NTRK2: variants seen among roughly 807,000 people sequenced by gnomAD.
The protein encoded by NTRK2 is BDNF/NT-3 growth factors receptor.
NTRK2 carries 13 observed loss-of-function variants against 94.5 expected under a neutral mutation model. The ratio of observed to expected loss-of-function variants is 0.14; its 90% CI spans 0.09 to 0.22. The LOEUF (loss-of-function observed/expected upper bound fraction) is 0.22, where lower values mean the gene tolerates loss of function less well. Ranked by LOEUF, NTRK2 falls within the 10% of genes least tolerant of loss-of-function variation. The pLI is 1.00. For synonymous variants in NTRK2, 372 were observed against 407.4 expected, an observed-to-expected ratio of 0.91 and a Z score of 1.05; for missense variants, 639 against 1,071.2, an observed-to-expected ratio of 0.60 and a Z score of 5.63.
At chr9:85,010,398 T>C (rs1831430446) in intron 17 of NTRK2, among the ~76,000 whole-genome samples, 2 of 152,352 alleles carry the variant, frequency 1.3e-5, no homozygotes, top group South Asian at 4.1e-4. Context: ...TCTCAAATGC[T>C]AAATGTTAGA....
chr9:85,000,408 TC>T (rs1830210911), intron 17 of NTRK2, among the ~76,000 whole-genome samples: 1 of 152,086 alleles, frequency 6.6e-6, no homozygotes, highest in South Asian at 2.1e-4. Context: ...TCCTTCCCTA[TC>T]CCCTAGCCAC....
Position 84,670,734 on chromosome 9 carries a change from C to T in NTRK2, c.-15C>T. 6.2e-7 allele frequency: 1 copy of T among 1,611,044 alleles called. No individual in the cohort carries two copies. The highest frequency in any genetic ancestry group is 8.5e-7 in the Non-Finnish European group (1 of 1,179,756). On this transcript the variant is annotated 5_prime_UTR_variant, in exon 2 of 19. Transcript: ENST00000277120. ...GCGCGGGGACAGGCACTCGGGCTGG[C>T]ACTGGCTGCTAGGGATGTCGTCCTG...
intron 17 of NTRK2, among the ~76,000 whole-genome samples, chr9:85,018,874 A>C (rs1379652313): frequency 6.6e-6 from 1 of 152,212 alleles, no homozygotes; most frequent in East Asian, 1.9e-4. Context: ...ATGGAAGCCA[A>C]CTTAGCCTTT....
At chr9:84,803,618 G>C (rs915408441) in intron 12 of NTRK2, among the ~76,000 whole-genome samples, 2 of 152,192 alleles carry the variant, frequency 1.3e-5, no homozygotes, top group Non-Finnish European at 1.5e-5. Flanking sequence ...TCAGTCCTCT[G>C]AATGAGGACT....
In NTRK2 at chr9:84,675,593, G is replaced by A. The variant is rs1323223052; in HGVS notation, c.212+4633G>A. Reference sequence around the variant, plus strand: ...TTGCTTCTGATGCCTGTAATCAATAGGAGGATTTGGGGGAGAGACTATTGA... The same window carrying A: ...TTGCTTCTGATGCCTGTAATCAATAAGAGGATTTGGGGGAGAGACTATTGA... On this transcript the variant is annotated intron_variant, in intron 2 of 18. Transcript: ENST00000277120. Among the ~76,000 whole-genome samples the A allele has an allele frequency of 3.3e-5, 5 of 151,930 alleles. No individual in the cohort carries two copies. The South Asian group carries it at 1.0e-3, about 32-fold the overall frequency.
At chr9:84,996,276 C>T (rs903456904) in intron 17 of NTRK2, among the ~76,000 whole-genome samples, 5 of 152,318 alleles carry the variant, frequency 3.3e-5, no homozygotes, top group Middle Eastern at 3.4e-3. Flanking sequence ...GCATGAAAGA[C>T]GTTGCTATGA....
At chr9:84,934,621 C>T (rs902235455) in intron 15 of NTRK2, among the ~76,000 whole-genome samples, 3 of 152,194 alleles carry the variant, frequency 2.0e-5, no homozygotes, top group Non-Finnish European at 4.4e-5. Context: ...TGAAGACTCA[C>T]ATGTGTCTCC....
At chr9:85,001,198 T>C (rs1388146931) in intron 17 of NTRK2, among the ~76,000 whole-genome samples, 1 of 151,816 alleles carries the variant, frequency 6.6e-6, no homozygotes, top group Non-Finnish European at 1.5e-5. Flanking sequence ...GGTTAGGGCC[T>C]GGAGGAGGGA....
At chr9:84,816,778 C>CAAAAAAAAAAAAAAAAAAAAAAAAAA in intron 12 of NTRK2, among the ~76,000 whole-genome samples, 2 of 82,650 alleles carry the variant, frequency 2.4e-5, no homozygotes, top group Non-Finnish European at 4.6e-5. Context: ...GACTCCATCT[C>CAAAAAAAAAAAAAAAAAAAAAAAAAA]AAAAAAAAAA....
intron 12 of NTRK2, among the ~76,000 whole-genome samples, chr9:84,855,581 AT>A (rs377152273): frequency 0.072 from 9,603 of 133,464 alleles, 396 homozygotes; most frequent in African/African-American, 0.15. Context: ...CCTCAAGCAT[AT>A]TTTTTTTTTT....
At chr9:84,903,508 C>T (rs1303738461) in intron 14 of NTRK2, among the ~76,000 whole-genome samples, 1 of 152,168 alleles carries the variant, frequency 6.6e-6, no homozygotes, top group Non-Finnish European at 1.5e-5. Context: ...TACTTAATAG[C>T]TCTTTCTTAA....
At chr9:84,921,174 G>A (rs1043741812) in intron 14 of NTRK2, among the ~76,000 whole-genome samples, 2 of 152,100 alleles carry the variant, frequency 1.3e-5, no homozygotes, top group African/African-American at 2.4e-5. Flanking sequence ...GACCCCAAAG[G>A]ACCCCAAAGC....
rs1224389832 is a variant in NTRK2, at chr9:85,023,750, G to A, written c.*2313G>A. ...GAACTCTGTGACGCAGTAAGGAAGG[G>A]GCAGATTTGTACAAAAACTTTTCTA... On this transcript the variant is annotated 3_prime_UTR_variant, in exon 19 of 19. Coordinates refer to ENST00000277120, the MANE Select transcript of NTRK2 (RefSeq NM_006180.6). 1 of 231,006 alleles carries A rather than the reference G, an allele frequency of 4.3e-6. No homozygotes were observed. Among genetic ancestry groups the A allele is most frequent in the African/African-American group, 2.2e-5 (1 of 45,080 alleles). 14.3% of individuals were successfully genotyped at this position (231,006 alleles called of 1,614,324 possible).
At chr9:85,020,651 G>A (rs1832704741) in intron 18 of NTRK2, among the ~76,000 whole-genome samples, 1 of 152,200 alleles carries the variant, frequency 6.6e-6, no homozygotes, top group Non-Finnish European at 1.5e-5. Context: ...AGCAGACGTA[G>A]CATTCCAGAA....
intron 4 of NTRK2, among the ~76,000 whole-genome samples, chr9:84,706,859 C>A (rs1454045433): frequency 6.6e-6 from 1 of 152,190 alleles, no homozygotes; most frequent in Admixed American, 6.5e-5. Context: ...ACTCTCAACC[C>A]AACACTTGCC....
chr9:84,872,771 CAATT>C (rs2075912504), intron 14 of NTRK2: 24 of 1,064,372 alleles, frequency 2.3e-5, no homozygotes, highest in Non-Finnish European at 2.7e-5. Context: ...GCTTACTAGG[CAATT>C]ATGTAAATAA....
chr9:84,745,002 G>A lies in NTRK2; in HGVS notation c.1225G>A (p.Asp409Asn), dbSNP rs2132377399. 1 of 1,613,872 alleles carries A rather than the reference G, an allele frequency of 6.2e-7. No individual in the cohort carries two copies. Among genetic ancestry groups the A allele is most frequent in the Non-Finnish European group, 8.5e-7 (1 of 1,179,952 alleles). ...TGGAACTGCAGCGAATGACATCGGG[G>A]ACACCACGAACAGAAGTAATGAAAT... is the stretch of plus-strand genomic sequence containing the variant. ...DYGTAANDIGDTTNRSNEIPS... is the reference protein window; with the variant it reads ...DYGTAANDIGNTTNRSNEIPS... Residue 409 changes from aspartate to asparagine, a missense_variant, in exon 11 of 19, where the codon GAC (aspartate) becomes AAC (asparagine). Physicochemically the swap from Asp to Asn is conservative, Grantham distance 23. This residue lies in a region of NTRK2 where 343 missense variants were observed against 571.5 expected (regional missense o/e 0.60). Coordinates refer to ENST00000277120, the MANE Select transcript of NTRK2 (RefSeq NM_006180.6).
intron 6 of NTRK2, 22 bp downstream of exon 6, chr9:84,710,813 G>A: frequency 6.2e-7 from 1 of 1,613,004 alleles, no homozygotes; most frequent in Non-Finnish European, 8.5e-7. Flanking sequence ...TTAAATCAAT[G>A]TGTTCTAGTT....
intron 17 of NTRK2, among the ~76,000 whole-genome samples, chr9:84,995,277 A>G (rs1020105398): frequency 2.6e-5 from 4 of 151,614 alleles, no homozygotes; most frequent in South Asian, 2.1e-4. Context: ...GAGTGACTAC[A>G]TACTGTTTTG....
Sources: gnomAD v4.1 joint callset for allele counts (sites outside exome capture counted in the v4.1 genomes callset) on GRCh38, gnomAD v4.1.1 for gene constraint, gnomAD v4.1.1 regional missense constraint, MANE v1.5 for transcripts, NCBI Gene and HGNC (gene_info 2026-07-23, HGNC 2026-07-21) for gene names.